The following ESRRB variants were observed in gnomAD, a reference collection of about 807,000 sequenced individuals.
ESRRB encodes the protein steroid hormone receptor ERR2.
In ESRRB, 16 loss-of-function variants were observed where a neutral mutation model predicts 46.0. The observed-to-expected ratio is 0.35, with a 90% confidence interval of 0.24 to 0.53. The LOEUF (loss-of-function observed/expected upper bound fraction) is 0.53, where lower values mean the gene tolerates loss of function less well. Among genes scored for constraint, ESRRB ranks in the 20% least tolerant of loss-of-function variants. The pLI is 0.93. For synonymous variants in ESRRB, 246 were observed against 259.6 expected (o/e 0.95, Z 0.50); for missense variants, 488 against 607.4 (o/e 0.80, Z 2.07).
At chr14:76,365,665 G>C (rs1884513755) in intron 1 of ESRRB, among the ~76,000 whole-genome samples, 1 of 152,098 alleles carries the variant, frequency 6.6e-6, no homozygotes, top group African/African-American at 2.4e-5. Context: ...TTAACTTCCA[G>C]GTGGAATGCA....
At chr14:76,416,408 A>G (rs1337294969) in intron 1 of ESRRB, among the ~76,000 whole-genome samples, 1 of 149,882 alleles carries the variant, frequency 6.7e-6, no homozygotes, top group Non-Finnish European at 1.5e-5. Context: ...ACAGGCATGA[A>G]CCTGCGCCCC....
intron 1 of ESRRB, among the ~76,000 whole-genome samples, chr14:76,355,224 C>T (rs1884365438): frequency 6.6e-6 from 1 of 152,178 alleles, no homozygotes; most frequent in Non-Finnish European, 1.5e-5. Context: ...AAGTTAAGGA[C>T]AAAGATAGGG....
chr14:76,424,072 C>T (rs538966011), intron 1 of ESRRB, among the ~76,000 whole-genome samples: 4 of 152,240 alleles, frequency 2.6e-5, no homozygotes, highest in East Asian at 3.9e-4. Context: ...TGGTCCCTGC[C>T]GAGATATTTA....
At chr14:76,325,820 G>T (rs185243641) in intron 1 of ESRRB, among the ~76,000 whole-genome samples, 1 of 152,216 alleles carries the variant, frequency 6.6e-6, no homozygotes, top group Non-Finnish European at 1.5e-5. Context: ...GCGCTGGCCC[G>T]CAGTAACTCT....
chr14:76,441,197 C>T (rs530009718), intron 2 of ESRRB, among the ~76,000 whole-genome samples: 2 of 152,194 alleles, frequency 1.3e-5, no homozygotes, highest in African/African-American at 4.8e-5. Flanking sequence ...GAACGACAGT[C>T]GCTGCCACCA....
At chr14:76,423,566 C>T (rs1044878266) in intron 1 of ESRRB, among the ~76,000 whole-genome samples, 9 of 152,078 alleles carry the variant, frequency 5.9e-5, no homozygotes, top group African/African-American at 2.2e-4. Flanking sequence ...GCTCCTGGGG[C>T]GCTGGTGGAC....
intron 3 of ESRRB, among the ~76,000 whole-genome samples, chr14:76,469,887 T>C (rs1391052545): frequency 2.0e-5 from 3 of 149,430 alleles, no homozygotes; most frequent in Admixed American, 6.7e-5. Flanking sequence ...AATACACTTA[T>C]AATATAGTAC....
At chr14:76,488,500 AAGATCTT>A (rs975959613) in intron 5 of ESRRB, among the ~76,000 whole-genome samples, 5 of 152,164 alleles carry the variant, frequency 3.3e-5, no homozygotes, top group African/African-American at 1.2e-4. Context: ...CCTGAGTCCA[AAGATCTT>A]AGAGGGTCTA....
At chr14:76,492,265 G>A (rs528233685) in intron 6 of ESRRB, among the ~76,000 whole-genome samples, 2 of 152,316 alleles carry the variant, frequency 1.3e-5, no homozygotes, top group South Asian at 4.1e-4. Context: ...TTGGGCTCAA[G>A]CCATCCTCCC....
Position 76,390,104 on chromosome 14 carries a change from C to A in ESRRB, c.50+13653C>A, listed in dbSNP as rs113947770. 6.3e-3 allele frequency among the ~76,000 whole-genome samples: 967 copies of A among 152,320 alleles called. 11 individuals are homozygous for A. Among genetic ancestry groups the A allele is most frequent in the African/African-American group, 0.022 (927 of 41,562 alleles). ...GCACTGGCTCCGTCACATCCCAGCT[C>A]TGTGACCCCAGATAAATGACTCAAT... On this transcript the variant is annotated intron_variant, in intron 1 of 6. Transcript: ENST00000644823.
chr14:76,491,631 C>T lies in ESRRB; in HGVS notation c.1035C>T (p.Ile345=). 2 of 1,584,438 alleles carry T rather than the reference C, an allele frequency of 1.3e-6. No homozygotes were observed. The highest frequency in any genetic ancestry group is 1.7e-6 in the Non-Finnish European group (2 of 1,166,552). ...LAGLLELYRA[I]LQLVRRYKKL... ...GGCTGCTGGAGCTCTACCGGGCCATCCTGCAGCTGGTACGCAGGTACAAGA... is the reference window on the plus strand; with the variant it reads ...GGCTGCTGGAGCTCTACCGGGCCATTCTGCAGCTGGTACGCAGGTACAAGA... The change falls in exon 6 of 7, where the codon ATC becomes ATT. Residue 345 remains isoleucine (I), a synonymous_variant. Transcript: ENST00000644823.
intron 1 of ESRRB, among the ~76,000 whole-genome samples, chr14:76,324,873 T>C (rs1883909252): frequency 6.6e-6 from 1 of 152,180 alleles, no homozygotes; most frequent in Non-Finnish European, 1.5e-5. Flanking sequence ...GGAAGTCTTT[T>C]GGCCTTTGAT....
chr14:76,414,922 AG>A (rs1227508024), intron 1 of ESRRB, among the ~76,000 whole-genome samples: 1 of 152,170 alleles, frequency 6.6e-6, no homozygotes, highest in Non-Finnish European at 1.5e-5. Context: ...ATCTGTAAGA[AG>A]GGGATTGAAG....
chr14:76,493,167 T>TA (rs1890290106), intron 6 of ESRRB, among the ~76,000 whole-genome samples: 1 of 152,154 alleles, frequency 6.6e-6, no homozygotes, highest in East Asian at 1.9e-4. Flanking sequence ...TATTTTATTT[T>TA]TTTTTGAGAC....
chr14:76,424,975 G>A (rs570069550), intron 1 of ESRRB, among the ~76,000 whole-genome samples: 101 of 152,240 alleles, frequency 6.6e-4, no homozygotes, highest in Non-Finnish European at 1.2e-3. Context: ...GACCTCAAGC[G>A]ATCTGCCCGC....
intron 1 of ESRRB, among the ~76,000 whole-genome samples, chr14:76,381,292 G>A (rs1216019656): frequency 6.6e-6 from 1 of 152,140 alleles, no homozygotes; most frequent in Non-Finnish European, 1.5e-5. Context: ...ACTTCACGGT[G>A]ACCCCTGTAA....
At chr14:76,398,449 T>A (rs1885792681) in intron 1 of ESRRB, among the ~76,000 whole-genome samples, 1 of 152,184 alleles carries the variant, frequency 6.6e-6, no homozygotes, top group Non-Finnish European at 1.5e-5. Context: ...GCTTCCCCCA[T>A]CAGAGTTCAA....
chr14:76,382,274 G>A (rs999229418), intron 1 of ESRRB, among the ~76,000 whole-genome samples: 1 of 152,218 alleles, frequency 6.6e-6, no homozygotes, highest in South Asian at 2.1e-4. Flanking sequence ...GCTGGGCTGA[G>A]GTCTGGCTGT....
At position 76,453,762 on chromosome 14, in the gene ESRRB, C is replaced by T; in HGVS notation, c.461-8783C>T. On this transcript the variant is annotated intron_variant, in intron 2 of 6. Transcript: ENST00000644823. ...AGTAGCTGGTACCACAGGGGCATGC[C>T]ACCACACTCGGCTAATTTTTTGTAT... Among the ~76,000 whole-genome samples, 2 of 151,894 alleles carry T rather than the reference C, an allele frequency of 1.3e-5. 1 individual carries two copies. Among genetic ancestry groups the T allele is most frequent in the Non-Finnish European group, 2.9e-5 (2 of 67,986 alleles).
Sources: gnomAD v4.1 joint callset for allele counts (sites outside exome capture counted in the v4.1 genomes callset) on GRCh38, gnomAD v4.1.1 for gene constraint, MANE v1.5 for transcripts, NCBI Gene and HGNC (gene_info 2026-07-23, HGNC 2026-07-21) for gene names.